Variants in SH3GL2 observed in about 807,000 individuals in gnomAD.
The protein encoded by SH3GL2 is endophilin-A1.
A neutral mutation model predicts 46.0 loss-of-function variants in SH3GL2; 24 were observed. That is an observed-to-expected ratio of 0.52 (90% CI 0.38 to 0.73). SH3GL2 has a LOEUF of 0.73. Ranked by LOEUF, SH3GL2 falls within the 30% of genes least tolerant of loss-of-function variation. SH3GL2 has a pLI of 0.00. For synonymous variants in SH3GL2, 196 were observed against 147.1 expected (o/e 1.33, Z -2.40); for missense variants, 413 against 424.2 (o/e 0.97, Z 0.23).
chr9:17,682,461 A>C (rs1393237291), intron 1 of SH3GL2, among the ~76,000 whole-genome samples: 1 of 152,166 alleles, frequency 6.6e-6, no homozygotes, highest in African/African-American at 2.4e-5. Flanking sequence ...ACACAGGAAC[A>C]GAAAATCAAA....
intron 1 of SH3GL2, among the ~76,000 whole-genome samples, chr9:17,661,199 C>T (rs1221664705): frequency 6.6e-6 from 1 of 151,884 alleles, no homozygotes; most frequent in Admixed American, 6.6e-5. Context: ...AATTAATGTT[C>T]AGCGTTGTTG....
At chr9:17,594,569 C>T (rs948692086) in intron 1 of SH3GL2, among the ~76,000 whole-genome samples, 5 of 151,930 alleles carry the variant, frequency 3.3e-5, no homozygotes, top group South Asian at 2.1e-4. Flanking sequence ...ATAGGTGCAC[C>T]GAACCACCAT....
intron 1 of SH3GL2, among the ~76,000 whole-genome samples, chr9:17,715,029 T>C (rs1373845429): frequency 6.6e-6 from 1 of 151,858 alleles, no homozygotes; most frequent in Non-Finnish European, 1.5e-5. Context: ...TTTGTTCTTT[T>C]AGTGCTTTAA....
At chr9:17,733,733 A>G (rs577535239) in intron 1 of SH3GL2, among the ~76,000 whole-genome samples, 5 of 152,236 alleles carry the variant, frequency 3.3e-5, no homozygotes, top group East Asian at 1.9e-4. Context: ...ATGTCCAACA[A>G]TGATAGACTG....
intron 1 of SH3GL2, among the ~76,000 whole-genome samples, chr9:17,676,240 T>C (rs994205199): frequency 8.5e-5 from 13 of 152,234 alleles, no homozygotes; most frequent in Admixed American, 6.5e-5. Context: ...TTTCCTTCCC[T>C]TCTCCTCAAC....
intron 1 of SH3GL2, among the ~76,000 whole-genome samples, chr9:17,647,531 A>C (rs557176893): frequency 6.6e-6 from 1 of 152,290 alleles, no homozygotes; most frequent in East Asian, 1.9e-4. Context: ...TGTTGTTCTT[A>C]AGTCTGTAAC....
At chr9:17,733,070 G>T (rs539692837) in intron 1 of SH3GL2, among the ~76,000 whole-genome samples, 47 of 152,164 alleles carry the variant, frequency 3.1e-4, no homozygotes, top group Admixed American at 3.0e-3. Flanking sequence ...CCCGTGGGAT[G>T]ATATCTTCCC....
At chr9:17,755,040 G>C (rs1253401194) in intron 2 of SH3GL2, among the ~76,000 whole-genome samples, 3 of 152,158 alleles carry the variant, frequency 2.0e-5, no homozygotes, top group South Asian at 2.1e-4. Context: ...GGAGGGGTGA[G>C]AGAGGGCATC....
intron 1 of SH3GL2, among the ~76,000 whole-genome samples, chr9:17,660,599 C>T (rs1820190463): frequency 6.6e-6 from 1 of 152,116 alleles, no homozygotes; most frequent in Admixed American, 6.5e-5. Context: ...CAAATGATTT[C>T]AGCCCTGAAC....
Position 17,746,242 on chromosome 9 carries a change from A to G in SH3GL2, c.46-824A>G, listed in dbSNP as rs534949014. The stretch of plus-strand genomic sequence containing the variant: ...AGGTGCCCGCCACCACGCCCAGCTA[A>G]TTTTTTTGTATTTTTGGTAGAGACG... On this transcript the variant is annotated intron_variant, in intron 1 of 8. Coordinates refer to ENST00000380607, the MANE Select transcript of SH3GL2 (RefSeq NM_003026.5). Among the ~76,000 whole-genome samples, 400 of 151,950 alleles carry G rather than the reference A, an allele frequency of 2.6e-3. 1 individual carries two copies. The highest frequency in any genetic ancestry group is 4.8e-3 in the Non-Finnish European group (326 of 67,952).
intron 3 of SH3GL2, among the ~76,000 whole-genome samples, chr9:17,770,821 C>G (rs1823457594): frequency 6.6e-6 from 1 of 152,204 alleles, no homozygotes; most frequent in Non-Finnish European, 1.5e-5. Context: ...AGCCAGAGCT[C>G]TCAATCACAC....
At chr9:17,647,715 T>C (rs1819853674) in intron 1 of SH3GL2, among the ~76,000 whole-genome samples, 1 of 152,158 alleles carries the variant, frequency 6.6e-6, no homozygotes, top group African/African-American at 2.4e-5. Context: ...TTAAAATAAA[T>C]GATACACATA....
At chr9:17,699,026 G>A (rs548293416) in intron 1 of SH3GL2, among the ~76,000 whole-genome samples, 16 of 151,770 alleles carry the variant, frequency 1.1e-4, no homozygotes, top group Admixed American at 9.8e-4. Context: ...ATGGTGGTGC[G>A]TGCCTGCAGT....
chr9:17,684,662 A>C (rs976027652), intron 1 of SH3GL2, among the ~76,000 whole-genome samples: 1 of 152,170 alleles, frequency 6.6e-6, no homozygotes, highest in African/African-American at 2.4e-5. Context: ...ATACAGTCAG[A>C]CATATTGTAT....
At chr9:17,596,995 A>G (rs972182807) in intron 1 of SH3GL2, among the ~76,000 whole-genome samples, 2 of 152,174 alleles carry the variant, frequency 1.3e-5, no homozygotes, top group African/African-American at 2.4e-5. Flanking sequence ...CCTCTGAGAT[A>G]AATAATTTCT....
At chr9:17,712,523 A>G (rs993747112) in intron 1 of SH3GL2, among the ~76,000 whole-genome samples, 5 of 151,842 alleles carry the variant, frequency 3.3e-5, no homozygotes, top group African/African-American at 9.7e-5. Flanking sequence ...TTGTTTCTGC[A>G]TATGAACATC....
intron 1 of SH3GL2, among the ~76,000 whole-genome samples, chr9:17,702,239 G>A (rs745360767): frequency 1.4e-4 from 22 of 152,020 alleles, no homozygotes; most frequent in Non-Finnish European, 2.5e-4. Flanking sequence ...ACATTGGCAG[G>A]ACCAGGAAAA....
At chr9:17,647,305 C>G (rs1177011086) in intron 1 of SH3GL2, among the ~76,000 whole-genome samples, 2 of 152,188 alleles carry the variant, frequency 1.3e-5, no homozygotes, top group East Asian at 3.8e-4. Context: ...TGAATAATAG[C>G]TAACACTAGG....
intron 1 of SH3GL2, among the ~76,000 whole-genome samples, chr9:17,733,193 C>G (rs1410183523): frequency 6.6e-6 from 1 of 152,126 alleles, no homozygotes; most frequent in Non-Finnish European, 1.5e-5. Context: ...TTTGCCAAAG[C>G]AAAACGAAGT....
Sources: gnomAD v4.1 joint callset for allele counts (sites outside exome capture counted in the v4.1 genomes callset) on GRCh38, gnomAD v4.1.1 for gene constraint, MANE v1.5 for transcripts, NCBI Gene and HGNC (gene_info 2026-07-23, HGNC 2026-07-21) for gene names.